The following TXNRD1 variants were observed in gnomAD, a reference collection of about 807,000 sequenced individuals.
TXNRD1 encodes the protein thioredoxin reductase 1, cytoplasmic.
TXNRD1 carries 57 observed loss-of-function variants against 80.3 expected under a neutral mutation model. That is an observed-to-expected ratio of 0.71 (90% CI 0.57 to 0.89). The LOEUF is 0.89. TXNRD1 is among the 40% of genes least tolerant of loss of function. The pLI, the probability that TXNRD1 is intolerant of heterozygous loss-of-function variation, is 0.00. For missense variants in TXNRD1, 730 were observed against 803.0 expected (o/e 0.91, Z 1.10); for synonymous variants, 291 against 285.2 (o/e 1.02, Z -0.20).
At chr12:104,320,447 A>G (rs757718406) in intron 9 of TXNRD1, among the ~76,000 whole-genome samples, 23 of 152,142 alleles carry the variant, frequency 1.5e-4, no homozygotes, top group Middle Eastern at 3.4e-3. Flanking sequence ...CCCTAATATC[A>G]TTGCCTTGGG....
At chr12:104,216,030 C>A in intron 1 of TXNRD1, 137 bp downstream of exon 1, 2 of 731,008 alleles carry the variant, frequency 2.7e-6, no homozygotes, top group Non-Finnish European at 4.3e-6. Context: ...GCGCGCCACG[C>A]TGGAGACCCC....
intron 4 of TXNRD1, chr12:104,304,157 G>A (rs753605713): frequency 3.7e-6 from 6 of 1,613,966 alleles, no homozygotes; most frequent in African/African-American, 1.3e-5. Context: ...GGAAGCCAAC[G>A]TCCTCTTTGA....
intron 3 of TXNRD1, chr12:104,262,232 T>TAAAAAAAAA (rs56774416): frequency 4.3e-5 from 4 of 93,726 alleles, no homozygotes; most frequent in Non-Finnish European, 8.0e-5. Flanking sequence ...GACTCTGTAT[T>TAAAAAAAAA]AAAAAAAAAA....
chr12:104,292,269 T>A (rs986467566), intron 4 of TXNRD1, among the ~76,000 whole-genome samples: 12 of 152,110 alleles, frequency 7.9e-5, no homozygotes, highest in African/African-American at 2.9e-4. Context: ...TCCAAAAAAG[T>A]GTAGTCTCCA....
chr12:104,272,950 A>G (rs2033682883), intron 3 of TXNRD1, among the ~76,000 whole-genome samples: 1 of 151,908 alleles, frequency 6.6e-6, no homozygotes, highest in Non-Finnish European at 1.5e-5. Flanking sequence ...AGATCACATC[A>G]TTGCACTCCA....
At chr12:104,309,690 T>A (rs1317727870) in intron 4 of TXNRD1, 4 of 1,183,364 alleles carry the variant, frequency 3.4e-6, no homozygotes, top group Non-Finnish European at 4.7e-6. Context: ...GGAGTCACAC[T>A]AGTTACTTGA....
chr12:104,288,660 T>C (rs1282996158), intron 3 of TXNRD1: 3 of 1,059,036 alleles, frequency 2.8e-6, no homozygotes, highest in Non-Finnish European at 3.8e-6. Context: ...AGTGCAATGA[T>C]TTAACCCTGA....
At chr12:104,244,703 G>A (rs2032939887) in intron 1 of TXNRD1, among the ~76,000 whole-genome samples, 1 of 152,194 alleles carries the variant, frequency 6.6e-6, no homozygotes, top group South Asian at 2.1e-4. Context: ...GAACAAGAGA[G>A]CTACTGTAAT....
At chr12:104,246,180 C>T (rs1225338419) in intron 1 of TXNRD1, among the ~76,000 whole-genome samples, 1 of 146,288 alleles carries the variant, frequency 6.8e-6, no homozygotes, top group African/African-American at 2.5e-5. Flanking sequence ...GTAATCCCAG[C>T]GCTTTGGGAG....
intron 1 of TXNRD1, among the ~76,000 whole-genome samples, chr12:104,223,946 G>T (rs2032412619): frequency 6.6e-6 from 1 of 152,176 alleles, no homozygotes; most frequent in African/African-American, 2.4e-5. Flanking sequence ...AGGGGAGAGG[G>T]CAGATTGCAA....
chr12:104,281,287 A>C (rs922929774), intron 3 of TXNRD1, among the ~76,000 whole-genome samples: 5 of 152,086 alleles, frequency 3.3e-5, no homozygotes, highest in Non-Finnish European at 7.3e-5. Context: ...ATATCTGTGC[A>C]ATTAGCTTTA....
chr12:104,235,761 C>A (rs1399102966), intron 1 of TXNRD1, among the ~76,000 whole-genome samples: 3 of 152,182 alleles, frequency 2.0e-5, no homozygotes, highest in Non-Finnish European at 4.4e-5. Flanking sequence ...GTTTGAGCCA[C>A]CCCAACAAAA....
Position 104,251,785 on chromosome 12 carries a change from G to T in TXNRD1, c.243+107G>T, listed in dbSNP as rs1042897653. The T allele has an allele frequency of 5.2e-6, 7 of 1,335,644 alleles. No homozygotes were observed. The East Asian group carries it at 1.4e-4, about 27-fold the overall frequency. The allele number at this position is 1,335,644 out of a possible 1,614,324, so 82.7% of individuals were successfully genotyped here. A position where few individuals can be genotyped will look rare whatever the true frequency, so the allele number is the denominator to read the frequency against. ...TTACCTTTAGGAAGAGTGTATGTAG[G>T]CTGGGCGCGGTGGCTCACACCTGTA... On this transcript the variant is annotated intron_variant, in intron 2 of 16. Coordinates refer to ENST00000525566, the MANE Select transcript of TXNRD1 (RefSeq NM_001093771.3).
intron 1 of TXNRD1, among the ~76,000 whole-genome samples, chr12:104,230,505 T>C (rs1186177383): frequency 1.3e-5 from 2 of 152,226 alleles, no homozygotes; most frequent in South Asian, 2.1e-4. Context: ...TTTTTTATTC[T>C]AGCCATCCTA....
intron 5 of TXNRD1, among the ~76,000 whole-genome samples, chr12:104,313,019 A>G (rs898771104): frequency 9.9e-5 from 15 of 152,024 alleles, no homozygotes; most frequent in African/African-American, 3.6e-4. Context: ...CAATTTTACT[A>G]CTCTATTCTG....
Position 104,318,942 on chromosome 12 carries a change from G to A in TXNRD1, c.760G>A (p.Ala254Thr), listed in dbSNP as rs1476581143. The A allele has an allele frequency of 5.6e-6, 9 of 1,613,688 alleles. No homozygotes were observed. The highest frequency in any genetic ancestry group is 7.6e-6 in the Non-Finnish European group (9 of 1,179,804). ...GCATGATTGGGACAGAATGATAGAA[G>A]CTGTACAGAATCACATTGGCTCTTT... ...VKHDWDRMIE[A>T]VQNHIGSLNW... Residue 254 changes from alanine to threonine, a missense_variant, in exon 8 of 17, where the codon GCT becomes ACT. Physicochemically the swap from Ala to Thr is moderately conservative, Grantham distance 58. Coordinates refer to ENST00000525566, the MANE Select transcript of TXNRD1 (RefSeq NM_001093771.3).
At position 104,313,259 on chromosome 12, in the gene TXNRD1, T is replaced by C; in HGVS notation, c.552T>C (p.Tyr184=). The change falls in exon 6 of 17, where the codon TAT becomes TAC. Residue 184 remains tyrosine (Y), a synonymous_variant. Transcript: ENST00000525566. ...GLAAAKEAAQ[Y]GKKVMVLDFV... ...TTATTTTCCAGGAGGCAGCCCAATA[T>C]GGCAAGAAGGTGATGGTCCTGGACT... 6.3e-7 allele frequency: 1 copy of C among 1,587,152 alleles called. No homozygotes were observed. Among genetic ancestry groups the C allele is most frequent in the Non-Finnish European group, 8.6e-7 (1 of 1,165,106 alleles).
intron 1 of TXNRD1, among the ~76,000 whole-genome samples, chr12:104,245,340 C>T (rs946480373): frequency 4.2e-4 from 63 of 150,990 alleles, no homozygotes; most frequent in African/African-American, 1.3e-3. Context: ...AGTGAAACCC[C>T]GTCTCTACTA....
At chr12:104,316,992 T>G (rs942663672) in intron 7 of TXNRD1, among the ~76,000 whole-genome samples, 5 of 152,234 alleles carry the variant, frequency 3.3e-5, no homozygotes, top group African/African-American at 7.2e-5. Flanking sequence ...GTTATGCTTC[T>G]CTTGTTGATG....
Sources: allele counts gnomAD v4.1 joint callset (sites outside exome capture counted in the v4.1 genomes callset), GRCh38; gene constraint gnomAD v4.1.1; transcripts MANE v1.5; gene names NCBI Gene and HGNC (gene_info 2026-07-23, HGNC 2026-07-21).